The following HEATR3 variants were observed in gnomAD, a reference collection of about 807,000 sequenced individuals.
HEATR3 encodes the protein HEAT repeat containing 3.
A neutral mutation model predicts 72.8 loss-of-function variants in HEATR3; 56 were observed. That is an observed-to-expected ratio of 0.77 (90% CI 0.62 to 0.96). The LOEUF (loss-of-function observed/expected upper bound fraction) is 0.96, where lower values mean the gene tolerates loss of function less well. Ranked by LOEUF, HEATR3 falls within the 40% of genes least tolerant of loss-of-function variation. The pLI is 0.00. For synonymous variants in HEATR3, 331 were observed against 318.1 expected, an observed-to-expected ratio of 1.04 and a Z score of -0.43; for missense variants, 747 against 831.4, an observed-to-expected ratio of 0.90 and a Z score of 1.25.
intron 2 of HEATR3, among the ~76,000 whole-genome samples, chr16:50,067,732 C>G (rs187214623): frequency 2.0e-5 from 3 of 152,292 alleles, no homozygotes; most frequent in African/African-American, 4.8e-5. Context: ...GTAGTTCTTA[C>G]AGCTCTGTCT....
In HEATR3 at chr16:50,066,257, G is replaced by A. The variant is rs763847977; in HGVS notation, c.126G>A (p.Glu42=). Residue 42 remains glutamate, a synonymous_variant, in exon 1 of 15, where the codon GAG becomes GAA. Transcript: ENST00000299192. The part of the protein sequence containing the change: ...GGEEDDGPAA[E]LLEKLQHPSA... ...AGGAGGACGACGGGCCGGCGGCGGAGCTGCTGGAAAAGGTGAGGCGAGGGC... is the reference window on the plus strand; with the variant it reads ...AGGAGGACGACGGGCCGGCGGCGGAACTGCTGGAAAAGGTGAGGCGAGGGC... The A allele has an allele frequency of 1.3e-6, 2 of 1,566,444 alleles. No individual in the cohort carries two copies. The highest frequency in any genetic ancestry group is 2.4e-5 in the East Asian group (1 of 42,052).
rs186051545 is a variant in HEATR3 at position 50,087,648 on chromosome 16, G to A, written c.1510+1297G>A. Among the ~76,000 whole-genome samples, 387 of 152,290 alleles carry A rather than the reference G, an allele frequency of 2.5e-3. 2 individuals are homozygous for A. The highest frequency in any genetic ancestry group is 3.6e-3 in the Non-Finnish European group (244 of 68,020). On this transcript the variant is annotated intron_variant, in intron 11 of 14. Coordinates refer to ENST00000299192, the MANE Select transcript of HEATR3 (RefSeq NM_182922.4). Reference sequence around the variant, plus strand: ...TGGAGCGAGGGTAGCCTGGGAGGTGGGAATCTGCCCCTCTCTCTCAGCTGC... The same window carrying A: ...TGGAGCGAGGGTAGCCTGGGAGGTGAGAATCTGCCCCTCTCTCTCAGCTGC...
chr16:50,068,909 G>A (rs756053339), intron 3 of HEATR3, 42 bp downstream of exon 3: 1 of 1,453,710 alleles, frequency 6.9e-7, no homozygotes, highest in Non-Finnish European at 9.6e-7. Flanking sequence ...CTTTTGGGAT[G>A]CAAACTTAGA....
chr16:50,084,012 A>T lies in HEATR3; in HGVS notation c.1117A>T (p.Met373Leu). 1 of 1,613,662 alleles carries T rather than the reference A, an allele frequency of 6.2e-7. No homozygotes were observed. The change falls in exon 8 of 15, where the codon ATG (methionine) becomes TTG (leucine). Residue 373 changes from methionine (M) to leucine (L), a missense_variant. By Grantham distance (15) the Met-to-Leu change is conservative. Coordinates refer to ENST00000299192, the MANE Select transcript of HEATR3 (RefSeq NM_182922.4). The part of the protein sequence containing the change: ...QQTALEIIVN[M>L]CCNEDPSDDE... Reference sequence around the variant, plus strand: ...GACTGCTCTGGAAATTATTGTCAACATGTGCTGCAATGAAGGTTTGTTAAC... The same window carrying T: ...GACTGCTCTGGAAATTATTGTCAACTTGTGCTGCAATGAAGGTTTGTTAAC...
chr16:50,094,829 A>G (rs989053816), intron 12 of HEATR3, 36 bp downstream of exon 12: 2 of 1,352,528 alleles, frequency 1.5e-6, no homozygotes, highest in Non-Finnish European at 2.1e-6. Context: ...GAAACTTGTA[A>G]AGATTGTGTA....
rs994481640 is a variant in HEATR3 at position 50,105,502 on chromosome 16, A to G, written c.*441A>G. The G allele has an allele frequency of 2.0e-5, 3 of 153,812 alleles. No homozygotes were observed. Among genetic ancestry groups the G allele is most frequent in the Non-Finnish European group, 4.3e-5 (3 of 69,908 alleles). 9.5% of individuals were successfully genotyped at this position (153,812 alleles called of 1,614,324 possible). On this transcript the variant is annotated 3_prime_UTR_variant, in exon 15 of 15. Coordinates refer to ENST00000299192, the MANE Select transcript of HEATR3 (RefSeq NM_182922.4). ...AAAAAAACTTCAAAACCTGTCAGAA[A>G]CTCTGTTGCTGGTTTTTTTGTGTGT...
Position 50,106,921 on chromosome 16 carries a change from G to A in HEATR3, c.*1860G>A, listed in dbSNP as rs2037498170. Among the ~76,000 whole-genome samples the A allele has an allele frequency of 6.6e-6, 1 of 152,098 alleles. No homozygotes were observed. The highest frequency in any genetic ancestry group is 6.6e-5 in the Admixed American group (1 of 15,254). On this transcript the variant is annotated 3_prime_UTR_variant, in exon 15 of 15. Transcript: ENST00000299192. ...TAAAATAACCCAAATTGTGTATATG[G>A]TGGGAAAACAGAAATGTATACCATA...
chr16:50,083,473 C>T (rs1597154486), intron 7 of HEATR3, among the ~76,000 whole-genome samples: 1 of 152,118 alleles, frequency 6.6e-6, no homozygotes, highest in East Asian at 1.9e-4. Flanking sequence ...CATAAGGGCT[C>T]GTTAGTAGTG....
At position 50,065,981 on chromosome 16, in the gene HEATR3, CGTGCGCCTGCGCACGGCTTG is replaced by C; in HGVS notation, c.-150_-131del. The C allele has an allele frequency of 1.8e-6, 1 of 547,536 alleles. No homozygotes were observed. The highest frequency in any genetic ancestry group is 2.8e-6 in the Non-Finnish European group (1 of 350,922). 33.9% of individuals were successfully genotyped at this position (547,536 alleles called of 1,614,324 possible). Reference sequence around the variant, plus strand: ...AACCCCGACCCGGCAGACGACGCGCCGTGCGCCTGCGCACGGCTTGCCCATGTGTGCTGCAGCCGTCAGCC... The same window carrying C: ...AACCCCGACCCGGCAGACGACGCGCCCCCATGTGTGCTGCAGCCGTCAGCC... On this transcript the variant is annotated 5_prime_UTR_variant, in exon 1 of 15. Transcript: ENST00000299192.
intron 12 of HEATR3, among the ~76,000 whole-genome samples, chr16:50,099,968 T>C (rs1435284350): frequency 1.3e-5 from 2 of 152,236 alleles, no homozygotes; most frequent in Non-Finnish European, 2.9e-5. Context: ...ACATCTGGAA[T>C]GAAAGTCTTC....
intron 6 of HEATR3, among the ~76,000 whole-genome samples, chr16:50,076,956 T>C (rs772420105): frequency 7.0e-5 from 10 of 142,212 alleles, no homozygotes; most frequent in Non-Finnish European, 1.4e-4. Flanking sequence ...CAAGCTCCGC[T>C]TCCCAGGTTC....
chr16:50,103,420 C>T (rs186134672), intron 14 of HEATR3, among the ~76,000 whole-genome samples: 175 of 152,306 alleles, frequency 1.1e-3, no homozygotes, highest in African/African-American at 4.1e-3. Flanking sequence ...AATGAAGCCA[C>T]AATTTGTGTT....
intron 6 of HEATR3, among the ~76,000 whole-genome samples, chr16:50,077,630 A>G (rs2036766655): frequency 6.6e-6 from 1 of 152,034 alleles, no homozygotes; most frequent in African/African-American, 2.4e-5. Flanking sequence ...ACTCCTCTAA[A>G]CACCTCATAG....
chr16:50,072,844 C>T (rs993232980), intron 5 of HEATR3, 130 bp downstream of exon 5: 2 of 648,016 alleles, frequency 3.1e-6, no homozygotes, highest in Admixed American at 5.9e-5. Context: ...TAGCTCAGCA[C>T]CTGTTTTTTC....
chr16:50,089,960 C>T (rs1244460580), intron 11 of HEATR3, among the ~76,000 whole-genome samples: 3 of 152,046 alleles, frequency 2.0e-5, no homozygotes, highest in Non-Finnish European at 2.9e-5. Context: ...CCACCGTGCC[C>T]GTCCTAGAGA....
chr16:50,093,887 T>C (rs2037174551), intron 11 of HEATR3, among the ~76,000 whole-genome samples: 1 of 152,228 alleles, frequency 6.6e-6, no homozygotes, highest in Non-Finnish European at 1.5e-5. Flanking sequence ...CCCGTCACTT[T>C]GTATTCTGTT....
At chr16:50,082,268 A>G (rs1049077488) in intron 7 of HEATR3, among the ~76,000 whole-genome samples, 3 of 152,100 alleles carry the variant, frequency 2.0e-5, no homozygotes, top group Non-Finnish European at 2.9e-5. Flanking sequence ...GCTTGAACCC[A>G]GGAGGCGGAG....
In HEATR3 at chr16:50,066,266, A is replaced by G. The variant is rs1310399072; in HGVS notation, c.135A>G (p.Glu45=). ...EDDGPAAELL[E]KLQHPSAEVR... Reference sequence around the variant, plus strand: ...ACGGGCCGGCGGCGGAGCTGCTGGAAAAGGTGAGGCGAGGGCTCCGTCGGG... The same window carrying G: ...ACGGGCCGGCGGCGGAGCTGCTGGAGAAGGTGAGGCGAGGGCTCCGTCGGG... Residue 45 remains glutamate (E), a synonymous_variant, in exon 1 of 15, where the codon GAA becomes GAG. Coordinates refer to ENST00000299192, the MANE Select transcript of HEATR3 (RefSeq NM_182922.4). 1.7e-5 allele frequency: 27 copies of G among 1,572,054 alleles called. No homozygotes were observed. Among genetic ancestry groups the G allele is most frequent in the Non-Finnish European group, 2.2e-5 (26 of 1,162,768 alleles).
chr16:50,066,544 G>A lies in HEATR3; in HGVS notation c.311+5G>A, dbSNP rs1336703386. The stretch of plus-strand genomic sequence containing the variant: ...GACTGCAGCCGGCGCGCTGAGGTGA[G>A]CCAGGAAGGGTGCGGGGCGGTGCCC... On this transcript the variant is annotated splice_donor_5th_base_variant and intron_variant, in intron 2 of 14. Transcript: ENST00000299192. 1 of 1,303,662 alleles carries A rather than the reference G, an allele frequency of 7.7e-7. No individual in the cohort carries two copies. Among genetic ancestry groups the A allele is most frequent in the Non-Finnish European group, 9.7e-7 (1 of 1,030,564 alleles). The allele number at this position is 1,303,662 out of a possible 1,614,324, so 80.8% of individuals were successfully genotyped here. A position where few individuals can be genotyped will look rare whatever the true frequency, so the allele number is the denominator to read the frequency against.
Sources: gnomAD v4.1 joint callset for allele counts (sites outside exome capture counted in the v4.1 genomes callset) on GRCh38, gnomAD v4.1.1 for gene constraint, MANE v1.5 for transcripts, NCBI Gene and HGNC (gene_info 2026-07-23, HGNC 2026-07-21) for gene names.